Variants in WWOX observed in about 807,000 individuals in gnomAD.
WWOX encodes the protein WW domain-containing oxidoreductase.
In WWOX, 69 loss-of-function variants were observed where a neutral mutation model predicts 46.2. The observed-to-expected ratio is 1.49, with a 90% CI of 1.23 to 1.82. WWOX has a LOEUF of 1.82. WWOX is among the 40% of genes most tolerant of loss of function. The pLI, the probability that WWOX is intolerant of heterozygous loss-of-function variation, is 0.00. For missense variants in WWOX, 919 were observed against 542.6 expected, an observed-to-expected ratio of 1.69 and a Z score of -6.89; for synonymous variants, 359 against 202.6, an observed-to-expected ratio of 1.77 and a Z score of -6.56.
intron 8 of WWOX, among the ~76,000 whole-genome samples, chr16:78,461,277 C>A (rs1009633528): frequency 6.6e-6 from 1 of 152,176 alleles, no homozygotes; most frequent in Non-Finnish European, 1.5e-5. Flanking sequence ...ACAGCCCCTC[C>A]CAGCATTCTG....
intron 8 of WWOX, among the ~76,000 whole-genome samples, chr16:79,044,376 TG>T (rs2048028501): frequency 6.6e-6 from 1 of 152,132 alleles, no homozygotes; most frequent in Admixed American, 6.5e-5. Flanking sequence ...GATTGGGTCA[TG>T]GGGGTGGATT....
At chr16:78,563,528 T>A (rs990779664) in intron 8 of WWOX, among the ~76,000 whole-genome samples, 2 of 150,640 alleles carry the variant, frequency 1.3e-5, no homozygotes, top group Non-Finnish European at 2.9e-5. Flanking sequence ...CTTTTTTTTT[T>A]TTTTCTTTTT....
intron 5 of WWOX, among the ~76,000 whole-genome samples, chr16:78,271,720 C>G (rs2079480569): frequency 6.6e-6 from 1 of 152,216 alleles, no homozygotes. Context: ...GCAGTGAAAA[C>G]AGTCACATGG....
chr16:78,568,841 G>C (rs138713527), intron 8 of WWOX, among the ~76,000 whole-genome samples: 1 of 152,328 alleles, frequency 6.6e-6, no homozygotes, highest in Non-Finnish European at 1.5e-5. Context: ...GTGTGTGCAA[G>C]TAAGTTTGTT....
chr16:78,447,711 G>A (rs1378698566), intron 8 of WWOX, among the ~76,000 whole-genome samples: 1 of 152,206 alleles, frequency 6.6e-6, no homozygotes, highest in African/African-American at 2.4e-5. Flanking sequence ...CTCTACAGCT[G>A]TTGCTGGGGA....
At chr16:78,731,298 C>G (rs905425402) in intron 8 of WWOX, among the ~76,000 whole-genome samples, 2 of 152,130 alleles carry the variant, frequency 1.3e-5, no homozygotes, top group African/African-American at 2.4e-5. Flanking sequence ...GAGGCACGCT[C>G]ACATGAAGCT....
At chr16:78,647,702 G>A (rs2142133751) in intron 8 of WWOX, among the ~76,000 whole-genome samples, 1 of 152,210 alleles carries the variant, frequency 6.6e-6, no homozygotes, top group South Asian at 2.1e-4. Context: ...TAGTCTGCAG[G>A]GTGACTCAGA....
At chr16:78,774,661 A>G (rs1323864973) in intron 8 of WWOX, among the ~76,000 whole-genome samples, 1 of 151,832 alleles carries the variant, frequency 6.6e-6, no homozygotes, top group Admixed American at 6.6e-5. Context: ...GGCTCCGGGC[A>G]GTTCCTTGAA....
chr16:78,347,787 T>G (rs1441201388), intron 5 of WWOX, among the ~76,000 whole-genome samples: 1 of 122,364 alleles, frequency 8.2e-6, no homozygotes, highest in African/African-American at 2.8e-5. Context: ...TTTAGAAATA[T>G]TTCTAACCTC....
At chr16:78,781,773 T>G (rs2050332921) in intron 8 of WWOX, among the ~76,000 whole-genome samples, 1 of 152,156 alleles carries the variant, frequency 6.6e-6, no homozygotes, top group Non-Finnish European at 1.5e-5. Context: ...AGGCTCCATC[T>G]CAAATAAAAT....
At chr16:78,656,727 C>T (rs543183698) in intron 8 of WWOX, among the ~76,000 whole-genome samples, 166 of 152,282 alleles carry the variant, frequency 1.1e-3, no homozygotes, top group South Asian at 7.7e-3. Flanking sequence ...ACCCACTGAG[C>T]ACATCCTCGT....
chr16:78,362,392 C>T (rs1238440355), intron 5 of WWOX, among the ~76,000 whole-genome samples: 3 of 152,130 alleles, frequency 2.0e-5, no homozygotes, highest in South Asian at 2.1e-4. Context: ...GGTGGATCAC[C>T]TGATGATAGG....
At chr16:78,796,676 A>G (rs897903735) in intron 8 of WWOX, among the ~76,000 whole-genome samples, 1 of 152,220 alleles carries the variant, frequency 6.6e-6, no homozygotes, top group Non-Finnish European at 1.5e-5. Context: ...ATATCTGTTT[A>G]TCAGCATCAT....
At chr16:78,519,290 C>G (rs1473754249) in intron 8 of WWOX, among the ~76,000 whole-genome samples, 2 of 152,100 alleles carry the variant, frequency 1.3e-5, no homozygotes, top group Non-Finnish European at 2.9e-5. Context: ...ACAGAGCTTG[C>G]TCCGATTGCT....
At chr16:78,734,015 A>G (rs1315636970) in intron 8 of WWOX, among the ~76,000 whole-genome samples, 1 of 152,030 alleles carries the variant, frequency 6.6e-6, no homozygotes, top group Non-Finnish European at 1.5e-5. Flanking sequence ...AGTCATGATC[A>G]TGCCACTGCA....
intron 8 of WWOX, among the ~76,000 whole-genome samples, chr16:79,157,410 T>A (rs1390495993): frequency 1.3e-5 from 2 of 150,348 alleles, no homozygotes; most frequent in African/African-American, 4.9e-5. Flanking sequence ...GTTTTTTCAT[T>A]TATACAATGG....
intron 8 of WWOX, among the ~76,000 whole-genome samples, chr16:78,510,055 C>T (rs1322293303): frequency 1.4e-5 from 2 of 144,978 alleles, no homozygotes; most frequent in Non-Finnish European, 3.0e-5. Context: ...AAGAGAGATC[C>T]TGTCTCCAAG....
intron 8 of WWOX, among the ~76,000 whole-genome samples, chr16:78,808,404 A>G (rs1012776190): frequency 1.3e-5 from 2 of 152,224 alleles, no homozygotes. Flanking sequence ...ATTTTCAAAT[A>G]TGGGTAAATG....
intron 8 of WWOX, among the ~76,000 whole-genome samples, chr16:79,027,437 C>G (rs1443085027): frequency 6.6e-6 from 1 of 151,678 alleles, no homozygotes; most frequent in Non-Finnish European, 1.5e-5. Context: ...GCCTCCCTGC[C>G]TCCCATTTTA....
Sources: allele counts gnomAD v4.1 joint callset (sites outside exome capture counted in the v4.1 genomes callset), GRCh38; gene constraint gnomAD v4.1.1; transcripts MANE v1.5; gene names NCBI Gene and HGNC (gene_info 2026-07-23, HGNC 2026-07-21).